The following PLCD1 variants were observed in gnomAD, a reference collection of about 807,000 sequenced individuals.
PLCD1 encodes phospholipase C delta 1, also known as 1-phosphatidylinositol 4,5-bisphosphate phosphodiesterase delta-1.
PLCD1 carries 71 observed loss-of-function variants against 87.4 expected under a neutral mutation model. The observed-to-expected ratio is 0.81, with a 90% CI of 0.67 to 0.99. PLCD1 has a LOEUF of 0.99. PLCD1 is among the 50% of genes least tolerant of loss of function. The pLI, the probability that PLCD1 is intolerant of heterozygous loss-of-function variation, is 0.00. For synonymous variants in PLCD1, 348 were observed against 399.2 expected (o/e 0.87, Z 1.53); for missense variants, 867 against 1,001.5 (o/e 0.87, Z 1.81).
At chr3:38,024,711 A>C in intron 1 of PLCD1, 1 of 1,462,650 alleles carries the variant, frequency 6.8e-7, no homozygotes, top group Non-Finnish European at 9.1e-7. Flanking sequence ...ATGCCCCCTG[A>C]AGGTGAGGCG....
intron 1 of PLCD1, among the ~76,000 whole-genome samples, chr3:38,022,118 T>C (rs1027646195): frequency 1.3e-5 from 2 of 152,202 alleles, no homozygotes; most frequent in African/African-American, 4.8e-5. Flanking sequence ...GAGGCATCCC[T>C]GGGCCTCCTC....
chr3:38,013,749 T>G (rs956727876), intron 3 of PLCD1, among the ~76,000 whole-genome samples: 1 of 152,208 alleles, frequency 6.6e-6, no homozygotes, highest in Non-Finnish European at 1.5e-5. Flanking sequence ...CTGTCCAAGG[T>G]CAAGGCTCTG....
At chr3:38,015,942 G>A (rs944768246) in intron 3 of PLCD1, among the ~76,000 whole-genome samples, 22 of 152,152 alleles carry the variant, frequency 1.4e-4, no homozygotes, top group African/African-American at 4.8e-4. Context: ...GGTGACAGAC[G>A]GGGACACAGG....
Position 38,011,207 on chromosome 3 carries a change from C to A in PLCD1, c.790+7G>T, listed in dbSNP as rs758799737. 1 of 1,599,664 alleles carries A rather than the reference C, an allele frequency of 6.3e-7. No individual in the cohort carries two copies. The highest frequency in any genetic ancestry group is 8.5e-7 in the Non-Finnish European group (1 of 1,173,388). ...CTGCAGGTAGCAGGCCCTGGTCAGG[C>A]TCTCACCAGTCTCGCTGGGCTCGTA... On this transcript the variant is annotated splice_region_variant and intron_variant, in intron 5 of 14. Transcript: ENST00000334661.
rs188571527 is a variant in PLCD1 at position 38,025,030 on chromosome 3, C to T, written c.34+4476G>A. Among the ~76,000 whole-genome samples, 33 of 151,656 alleles carry T rather than the reference C, an allele frequency of 2.2e-4. No individual in the cohort carries two copies. In the East Asian group the frequency reaches 6.0e-3, roughly 28 times the overall value. ...CCTGGGGGCGGGGCCAGAGCCAAGGCAGCGGGGCGAAGGAGGGGCCAGGCT... is the reference window on the plus strand; with the variant it reads ...CCTGGGGGCGGGGCCAGAGCCAAGGTAGCGGGGCGAAGGAGGGGCCAGGCT... On this transcript the variant is annotated intron_variant, in intron 1 of 14. Transcript: ENST00000334661. This position sits in a 1 kb window ranked among gnomAD's most constrained non-coding sequence, Gnocchi z 4.0.
chr3:38,015,572 G>C (rs1414818205), intron 3 of PLCD1, among the ~76,000 whole-genome samples: 1 of 152,094 alleles, frequency 6.6e-6, no homozygotes, highest in South Asian at 2.1e-4. Context: ...ACTTTAAAAG[G>C]GTTAATTATA....
At chr3:38,024,792 T>C (rs1438250458) in intron 1 of PLCD1, 68 of 1,244,590 alleles carry the variant, frequency 5.5e-5, no homozygotes, top group Non-Finnish European at 6.8e-5. Flanking sequence ...GAAGAAAATC[T>C]GGGCTAAGGA....
rs536112236 is a variant in PLCD1, at chr3:38,028,169, A to T, written c.34+1337T>A. On this transcript the variant is annotated intron_variant, in intron 1 of 14. Transcript: ENST00000334661. Reference sequence around the variant, plus strand: ...ACGCTGTGTCAGAGAGAAAGCAGAGATGTCCACTGTGTCCTCTCAGCTGCC... The same window carrying T: ...ACGCTGTGTCAGAGAGAAAGCAGAGTTGTCCACTGTGTCCTCTCAGCTGCC... 5.3e-5 allele frequency among the ~76,000 whole-genome samples: 8 copies of T among 152,336 alleles called. No homozygotes were observed. In the South Asian group the frequency reaches 1.4e-3, roughly 28 times the overall value.
intron 11 of PLCD1, 104 bp from the exon 12 acceptor site, chr3:38,008,740 C>G (rs1248804779): frequency 9.8e-7 from 1 of 1,022,598 alleles, no homozygotes; most frequent in East Asian, 2.6e-5. Context: ...GGTGAGTTAG[C>G]AGGGCCCAGC....
chr3:38,026,417 G>A (rs1402508048), intron 1 of PLCD1, among the ~76,000 whole-genome samples: 1 of 152,214 alleles, frequency 6.6e-6, no homozygotes, highest in Non-Finnish European at 1.5e-5. Context: ...TACTTGGGAG[G>A]CTGAGGCAAG....
intron 2 of PLCD1, 152 bp downstream of exon 2, chr3:38,020,036 G>T: frequency 1.3e-6 from 1 of 741,524 alleles, no homozygotes. Flanking sequence ...TTTCCCCACT[G>T]CCAGCCCAGG....
At position 38,009,532 on chromosome 3, in the gene PLCD1, CAG is replaced by C. The variant is rs1356499382; in HGVS notation, c.1447-103_1447-102del. On this transcript the variant is annotated intron_variant, in intron 9 of 14. Coordinates refer to ENST00000334661, the MANE Select transcript of PLCD1 (RefSeq NM_006225.4). ...GCGCAGAGAGACAGAGGGAGACAGA[CAG>C]AGAGAGCGGGGCAGAGGGTCTGAGT... The C allele has an allele frequency of 1.0e-5, 16 of 1,558,872 alleles. No homozygotes were observed. In the East Asian group the frequency reaches 2.7e-4, roughly 26 times the overall value.
intron 1 of PLCD1, among the ~76,000 whole-genome samples, chr3:38,028,889 C>A (rs1427580250): frequency 6.6e-6 from 1 of 152,272 alleles, no homozygotes; most frequent in African/African-American, 2.4e-5. Flanking sequence ...CCGGCTGAGA[C>A]CTGGCCCTGT....
chr3:38,024,757 A>T, intron 1 of PLCD1: 1 of 1,341,934 alleles, frequency 7.5e-7, no homozygotes, highest in Non-Finnish European at 9.7e-7. Context: ...GAGTGGGGGG[A>T]GTCAGAATAC....
rs1216553674 is a variant in PLCD1, at chr3:38,017,145, A to G, written c.200-426T>C. Among the ~76,000 whole-genome samples, 1 of 152,072 alleles carries G rather than the reference A, an allele frequency of 6.6e-6. No individual in the cohort carries two copies. The highest frequency in any genetic ancestry group is 1.5e-5 in the Non-Finnish European group (1 of 67,984). ...CAGACCACTCTGGAGTGTGGGGCCC[A>G]TGACAGAGAAGGGCCATGCACCCTT... On this transcript the variant is annotated intron_variant, in intron 2 of 14. Transcript: ENST00000334661. The surrounding 1 kb of genome is among the most constrained non-coding windows in gnomAD (Gnocchi z 4.7).
intron 1 of PLCD1, among the ~76,000 whole-genome samples, chr3:38,027,304 G>A (rs996178438): frequency 3.3e-5 from 5 of 152,174 alleles, no homozygotes; most frequent in Non-Finnish European, 7.4e-5. Context: ...TTTGGGGAGG[G>A]GGCCTCCTGC....
chr3:38,015,963 G>A (rs1199916379), intron 3 of PLCD1, among the ~76,000 whole-genome samples: 2 of 152,182 alleles, frequency 1.3e-5, no homozygotes, highest in African/African-American at 4.8e-5. Flanking sequence ...GAGTATCAGG[G>A]AGCAGCAGAG....
At chr3:38,024,426 C>A (rs1700278897) in intron 1 of PLCD1, 1 of 1,612,024 alleles carries the variant, frequency 6.2e-7, no homozygotes, top group Non-Finnish European at 8.5e-7. Flanking sequence ...GATCCCCAGG[C>A]ACTGCATGGC....
At chr3:38,016,171 G>A (rs981380577) in intron 3 of PLCD1, among the ~76,000 whole-genome samples, 9 of 152,216 alleles carry the variant, frequency 5.9e-5, no homozygotes, top group Middle Eastern at 3.4e-3. Context: ...GGGCACCCGC[G>A]CTGGGATTAG....
Sources: gnomAD v4.1 joint callset for allele counts (sites outside exome capture counted in the v4.1 genomes callset) on GRCh38, gnomAD v4.1.1 for gene constraint, Gnocchi (gnomAD v3.1) non-coding constraint, MANE v1.5 for transcripts, NCBI Gene and HGNC (gene_info 2026-07-23, HGNC 2026-07-21) for gene names.